Variants in MAMDC2 observed in about 807,000 individuals in gnomAD.
MAMDC2 encodes the protein MAM domain-containing protein 2.
In MAMDC2, 57 loss-of-function variants were observed where a neutral mutation model predicts 89.8. The ratio of observed to expected loss-of-function variants is 0.63; its 90% CI spans 0.51 to 0.79. The LOEUF is 0.79. Among genes scored for constraint, MAMDC2 ranks in the 30% least tolerant of loss-of-function variants. MAMDC2 has a pLI of 0.00. For missense variants in MAMDC2, 800 were observed against 820.6 expected, an observed-to-expected ratio of 0.97 and a Z score of 0.31; for synonymous variants, 313 against 293.4, an observed-to-expected ratio of 1.07 and a Z score of -0.68.
intron 11 of MAMDC2, chr9:70,175,945 A>T (rs890468835): frequency 6.6e-6 from 1 of 152,184 alleles, no homozygotes; most frequent in African/African-American, 2.4e-5. Context: ...TAACAATCCC[A>T]TTGTGACTTA....
intron 12 of MAMDC2, among the ~76,000 whole-genome samples, chr9:70,220,654 G>A (rs1157198411): frequency 1.3e-5 from 2 of 152,176 alleles, no homozygotes; most frequent in Admixed American, 1.3e-4. Context: ...GTAAATGTCT[G>A]GCTGATAAGT....
At chr9:70,051,019 T>G (rs1388757824) in intron 2 of MAMDC2, among the ~76,000 whole-genome samples, 1 of 152,238 alleles carries the variant, frequency 6.6e-6, no homozygotes, top group Non-Finnish European at 1.5e-5. Context: ...TGCTAGTGCC[T>G]CAGCATCAAT....
chr9:70,178,687 C>G (rs558885691), intron 11 of MAMDC2, among the ~76,000 whole-genome samples: 19 of 152,326 alleles, frequency 1.2e-4, no homozygotes, highest in Non-Finnish European at 2.5e-4. Flanking sequence ...TCCCTAGGAT[C>G]TTGTTCTATT....
intron 7 of MAMDC2, among the ~76,000 whole-genome samples, chr9:70,132,899 C>T (rs933962727): frequency 3.3e-5 from 5 of 152,134 alleles, no homozygotes; most frequent in African/African-American, 2.4e-5. Context: ...AAATTGAATA[C>T]TATTTTTCCT....
At chr9:70,073,325 C>A (rs1374114801) in intron 2 of MAMDC2, among the ~76,000 whole-genome samples, 1 of 152,126 alleles carries the variant, frequency 6.6e-6, no homozygotes, top group African/African-American at 2.4e-5. Flanking sequence ...ACATCTTGTA[C>A]CTGAAGAGCA....
In MAMDC2 at chr9:70,053,052, T is replaced by C. The variant is rs543075331; in HGVS notation, c.148+8355T>C. Among the ~76,000 whole-genome samples, 17 of 152,336 alleles carry C rather than the reference T, an allele frequency of 1.1e-4. No individual in the cohort carries two copies. The East Asian group carries it at 3.3e-3, about 29-fold the overall frequency. On this transcript the variant is annotated intron_variant, in intron 2 of 13. Coordinates refer to ENST00000377182, the MANE Select transcript of MAMDC2 (RefSeq NM_153267.5). ...TTTTTTGGCAAGGGATGACCAGACT[T>C]TGAACTAGCTATGGAGAGCGGGTGT... is the stretch of plus-strand genomic sequence containing the variant.
intron 11 of MAMDC2, chr9:70,172,273 C>T (rs889782563): frequency 2.0e-5 from 3 of 152,180 alleles, no homozygotes; most frequent in Non-Finnish European, 2.9e-5. Context: ...AAGGAAGAAA[C>T]AGTCTATTTT....
At chr9:70,148,483 T>G (rs537732828) in intron 9 of MAMDC2, among the ~76,000 whole-genome samples, 1 of 150,520 alleles carries the variant, frequency 6.6e-6, no homozygotes, top group African/African-American at 2.5e-5. Context: ...CTCTTAATTT[T>G]CCATCTGGGA....
At position 70,168,598 on chromosome 9, in the gene MAMDC2, G is replaced by T. The variant is rs913657919; in HGVS notation, c.1405-104G>T. The T allele has an allele frequency of 5.2e-6, 4 of 764,670 alleles. No homozygotes were observed. The African/African-American group carries it at 5.2e-5, about 10-fold the overall frequency. 47.4% of individuals were successfully genotyped at this position (764,670 alleles called of 1,614,324 possible). On this transcript the variant is annotated intron_variant, in intron 9 of 13. Transcript: ENST00000377182. ...TCATACGGACGCTGAAGAGCTGCTT[G>T]TAGTTTGCCTATGCTCGCCTGCTGT...
At chr9:70,214,207 G>A (rs1260989809) in intron 11 of MAMDC2, among the ~76,000 whole-genome samples, 3 of 152,204 alleles carry the variant, frequency 2.0e-5, no homozygotes, top group African/African-American at 7.2e-5. Flanking sequence ...AGGGTATAAG[G>A]AATGAGGAGT....
At chr9:70,210,324 T>C (rs1191368591) in intron 11 of MAMDC2, among the ~76,000 whole-genome samples, 1 of 152,228 alleles carries the variant, frequency 6.6e-6, no homozygotes, top group Non-Finnish European at 1.5e-5. Flanking sequence ...TGCTTCTGTA[T>C]TGGGTGCATA....
At chr9:70,132,048 A>G (rs1172786701) in intron 7 of MAMDC2, among the ~76,000 whole-genome samples, 1 of 152,208 alleles carries the variant, frequency 6.6e-6, no homozygotes, top group Non-Finnish European at 1.5e-5. Context: ...AAATGGCCTC[A>G]TGTTTAAAGA....
At chr9:70,157,713 A>T (rs1237488415) in intron 9 of MAMDC2, 3 of 152,586 alleles carry the variant, frequency 2.0e-5, no homozygotes, top group Non-Finnish European at 4.4e-5. Context: ...GTTCTGCTTT[A>T]TTCAAACGAG....
intron 2 of MAMDC2, among the ~76,000 whole-genome samples, chr9:70,066,704 A>G (rs1827274279): frequency 6.6e-6 from 1 of 152,100 alleles, no homozygotes; most frequent in Admixed American, 6.5e-5. Context: ...GGCATCCCAG[A>G]GTGGGGGTTT....
rs1217430456 is a variant in MAMDC2 at position 70,103,332 on chromosome 9, T to G, written c.149-4879T>G. On this transcript the variant is annotated intron_variant, in intron 2 of 13. Coordinates refer to ENST00000377182, the MANE Select transcript of MAMDC2 (RefSeq NM_153267.5). Reference sequence around the variant, plus strand: ...GTCGGAGGTCTCATACTTCCCAATTTCAAAACTTACTACACAGCTACAGTA... The same window carrying G: ...GTCGGAGGTCTCATACTTCCCAATTGCAAAACTTACTACACAGCTACAGTA... 2.0e-5 allele frequency among the ~76,000 whole-genome samples: 3 copies of G among 152,182 alleles called. No homozygotes were observed. In the East Asian group the frequency reaches 5.8e-4, roughly 29 times the overall value.
chr9:70,206,628 T>C, intron 11 of MAMDC2, among the ~76,000 whole-genome samples: 1 of 152,114 alleles, frequency 6.6e-6, no homozygotes, highest in Admixed American at 6.6e-5. Context: ...TTGGTATATA[T>C]CTTTTTTTAT....
At chr9:70,119,893 T>C (rs889861344) in intron 5 of MAMDC2, among the ~76,000 whole-genome samples, 6 of 152,230 alleles carry the variant, frequency 3.9e-5, no homozygotes, top group Non-Finnish European at 7.3e-5. Context: ...ATGACCTTCA[T>C]ACAGCACATG....
At chr9:70,093,375 A>G (rs79823301) in intron 2 of MAMDC2, among the ~76,000 whole-genome samples, 1,535 of 151,502 alleles carry the variant, frequency 0.01, 10 homozygotes, top group Non-Finnish European at 0.017. Flanking sequence ...GTTACTCATT[A>G]TCTTCTGATG....
At chr9:70,091,684 G>A (rs1827905964) in intron 2 of MAMDC2, among the ~76,000 whole-genome samples, 1 of 152,142 alleles carries the variant, frequency 6.6e-6, no homozygotes, top group Admixed American at 6.5e-5. Flanking sequence ...AGGAAATGAA[G>A]GATGATAACT....
Sources: gnomAD v4.1 joint callset for allele counts (sites outside exome capture counted in the v4.1 genomes callset) on GRCh38, gnomAD v4.1.1 for gene constraint, MANE v1.5 for transcripts, NCBI Gene and HGNC (gene_info 2026-07-23, HGNC 2026-07-21) for gene names.